Variants in VWA3B observed in about 807,000 individuals in gnomAD.
VWA3B encodes the protein von Willebrand factor A domain-containing protein 3B.
In VWA3B, 138 loss-of-function variants were observed where a neutral mutation model predicts 158.3. That is an observed-to-expected ratio of 0.87 (90% CI 0.76 to 1.00). The LOEUF (loss-of-function observed/expected upper bound fraction) is 1.00. Ranked by LOEUF, VWA3B falls within the 50% of genes least tolerant of loss-of-function variation. The probability of loss-of-function intolerance (pLI) is 0.00; values close to 1 mark genes in which losing one functional copy is unlikely to be tolerated. For synonymous variants in VWA3B, 596 were observed against 587.3 expected, an observed-to-expected ratio of 1.01 and a Z score of -0.21; for missense variants, 1,555 against 1,565.1, an observed-to-expected ratio of 0.99 and a Z score of 0.11.
chr2:98,292,993 C>T (rs1160016404), intron 23 of VWA3B, among the ~76,000 whole-genome samples: 1 of 151,760 alleles, frequency 6.6e-6, no homozygotes, highest in Non-Finnish European at 1.5e-5. Flanking sequence ...AAAGAAAATG[C>T]TAAAAGAGAC....
chr2:98,213,834 CTT>C (rs1309158730), intron 13 of VWA3B, among the ~76,000 whole-genome samples: 1 of 152,042 alleles, frequency 6.6e-6, no homozygotes, highest in African/African-American at 2.4e-5. Flanking sequence ...TTAATATACT[CTT>C]ACTGATTTTT....
rs1690913267 is a variant in VWA3B, at chr2:98,311,823, G to A, written c.3526G>A (p.Asp1176Asn). ...PPIPEDPEVE[D>N]VEARNSAFLF... ...CTGATCTCTCTCTGTCTCTAGAGAGGATGTGGAGGCGAGGAACTCTGCTTT... is the reference window on the plus strand; with the variant it reads ...CTGATCTCTCTCTGTCTCTAGAGAGAATGTGGAGGCGAGGAACTCTGCTTT... The change falls in exon 27 of 28, where the codon GAT (aspartate) becomes AAT (asparagine). Residue 1176 changes from aspartate to asparagine, a missense_variant. Physicochemically the swap from Asp to Asn is conservative, Grantham distance 23 (BLOSUM62 1). Coordinates refer to ENST00000477737, the MANE Select transcript of VWA3B (RefSeq NM_144992.5). 1 of 1,603,030 alleles carries A rather than the reference G, an allele frequency of 6.2e-7. No homozygotes were observed. The highest frequency in any genetic ancestry group is 8.5e-7 in the Non-Finnish European group (1 of 1,174,968).
At chr2:98,322,971 G>C in the VWA3B span, among the ~76,000 whole-genome samples, 1 of 151,930 alleles carries the variant, frequency 6.6e-6, no homozygotes, top group Non-Finnish European at 1.5e-5. Flanking sequence ...TTAAGTGTAC[G>C]AAAAACAACC....
intron 21 of VWA3B, among the ~76,000 whole-genome samples, chr2:98,264,490 G>C (rs1200155798): frequency 6.6e-6 from 1 of 152,000 alleles, no homozygotes; most frequent in Non-Finnish European, 1.5e-5. Flanking sequence ...GGTTGTTTAA[G>C]AATATGTGAC....
chr2:98,210,870 T>G (rs780676378), intron 12 of VWA3B, among the ~76,000 whole-genome samples: 2 of 152,156 alleles, frequency 1.3e-5, no homozygotes, highest in African/African-American at 2.4e-5. Flanking sequence ...GGCTTTGACT[T>G]GAGAGATTGT....
chr2:98,169,991 C>T (rs143493766), intron 8 of VWA3B, among the ~76,000 whole-genome samples: 5 of 152,030 alleles, frequency 3.3e-5, no homozygotes, highest in East Asian at 1.9e-4. Flanking sequence ...CATGATGGTG[C>T]GCACCTGTAG....
intron 25 of VWA3B, among the ~76,000 whole-genome samples, chr2:98,302,501 G>C (rs1042482622): frequency 2.0e-4 from 31 of 152,216 alleles, no homozygotes; most frequent in African/African-American, 6.0e-4. Flanking sequence ...AGACCCACAA[G>C]TGAACTAGAT....
chr2:98,167,663 A>G (rs1020542146), intron 8 of VWA3B, among the ~76,000 whole-genome samples: 7 of 152,224 alleles, frequency 4.6e-5, no homozygotes, highest in African/African-American at 4.8e-5. Context: ...AAGTCCAGAC[A>G]TCTGCAAAGG....
chr2:98,140,093 C>T (rs936309206), intron 7 of VWA3B, among the ~76,000 whole-genome samples: 1 of 152,084 alleles, frequency 6.6e-6, no homozygotes, highest in Non-Finnish European at 1.5e-5. Context: ...AGCGAGACCA[C>T]GAACCCACCA....
At chr2:98,265,177 A>G (rs1240120733) in intron 21 of VWA3B, among the ~76,000 whole-genome samples, 16 of 150,552 alleles carry the variant, frequency 1.1e-4, no homozygotes, top group Admixed American at 3.3e-4. Flanking sequence ...GTATCTCCCA[A>G]TGCTATCCCT....
intron 13 of VWA3B, chr2:98,216,967 T>C: frequency 3.2e-6 from 4 of 1,265,298 alleles, no homozygotes; most frequent in Non-Finnish European, 4.1e-6. Flanking sequence ...GACTGTCATG[T>C]GTATCATTGT....
chr2:98,205,893 T>C (rs1682975511), intron 12 of VWA3B, among the ~76,000 whole-genome samples: 1 of 152,246 alleles, frequency 6.6e-6, no homozygotes, highest in Admixed American at 6.5e-5. Context: ...GGGCATACTC[T>C]GTATGATTTC....
chr2:98,321,542 C>T, the VWA3B span, among the ~76,000 whole-genome samples: 3 of 152,254 alleles, frequency 2.0e-5, no homozygotes, highest in African/African-American at 7.2e-5. Context: ...TCTCTTGCAT[C>T]AGCATGACCT....
intron 2 of VWA3B, among the ~76,000 whole-genome samples, chr2:98,114,162 C>T (rs1452687593): frequency 6.6e-5 from 10 of 152,186 alleles, no homozygotes; most frequent in Admixed American, 5.9e-4. Flanking sequence ...TCCACTGTTA[C>T]TGGATGCAGA....
At chr2:98,117,249 C>G (rs1190883661) in intron 3 of VWA3B, among the ~76,000 whole-genome samples, 1 of 152,178 alleles carries the variant, frequency 6.6e-6, no homozygotes, top group Non-Finnish European at 1.5e-5. Flanking sequence ...TTTCTTCATC[C>G]TTTTAAGTTG....
intron 21 of VWA3B, among the ~76,000 whole-genome samples, chr2:98,269,651 C>G (rs2105883013): frequency 6.6e-6 from 1 of 152,302 alleles, no homozygotes. Context: ...AGGCAAAATG[C>G]AACAAGCTTT....
chr2:98,230,109 C>G lies in VWA3B; in HGVS notation c.2210C>G (p.Ser737Cys). The change falls in exon 16 of 28, where the codon TCT (serine) becomes TGT (cysteine). Residue 737 changes from serine to cysteine, a missense_variant. Physicochemically the swap from Ser to Cys is moderately radical, Grantham distance 112. Transcript: ENST00000477737. Reference protein sequence around the residue: ...STPEKCAKPQSDVDSTQTSSL... With the variant: ...STPEKCAKPQCDVDSTQTSSL... ...CCAGAAAAGTGTGCAAAGCCTCAAT[C>G]TGATGTCGATTCAACACAAACTTCA... 6.2e-7 allele frequency: 1 copy of G among 1,611,384 alleles called. No homozygotes were observed. The highest frequency in any genetic ancestry group is 1.1e-5 in the South Asian group (1 of 90,260).
intron 13 of VWA3B, among the ~76,000 whole-genome samples, chr2:98,214,781 A>G (rs1683834802): frequency 6.6e-6 from 1 of 152,094 alleles, no homozygotes; most frequent in South Asian, 2.1e-4. Flanking sequence ...ACGCAGTCGG[A>G]TTGTTTTTGA....
Position 98,125,164 on chromosome 2 carries a change from G to C in VWA3B, c.703-3075G>C, listed in dbSNP as rs1559552810. Among the ~76,000 whole-genome samples the C allele has an allele frequency of 6.6e-6, 1 of 152,204 alleles. No individual in the cohort carries two copies. Among genetic ancestry groups the C allele is most frequent in the Non-Finnish European group, 1.5e-5 (1 of 68,040 alleles). ...GGTTAAGGGAGCAGATTCCCATGAG[G>C]ATAACTCCTTTAAGCCAAACAATCT... On this transcript the variant is annotated intron_variant, in intron 5 of 27. Transcript: ENST00000477737. This position sits in a 1 kb window ranked among gnomAD's most constrained non-coding sequence, Gnocchi z 4.1.
Sources: allele counts gnomAD v4.1 joint callset (sites outside exome capture counted in the v4.1 genomes callset), GRCh38; gene constraint gnomAD v4.1.1; non-coding constraint Gnocchi (gnomAD v3.1); transcripts MANE v1.5; gene names NCBI Gene and HGNC (gene_info 2026-07-23, HGNC 2026-07-21).